The following FBXL17 variants were observed in gnomAD, a reference collection of about 807,000 sequenced individuals.
The protein encoded by FBXL17 is F-box/LRR-repeat protein 17.
A neutral mutation model predicts 66.2 loss-of-function variants in FBXL17; 22 were observed. That is an observed-to-expected ratio of 0.33 (90% CI 0.24 to 0.47). The LOEUF is 0.47. Ranked by LOEUF, FBXL17 falls within the 20% of genes least tolerant of loss-of-function variation. The pLI, the probability that FBXL17 is intolerant of heterozygous loss-of-function variation, is 1.00. For missense variants in FBXL17, 878 were observed against 948.2 expected (o/e 0.93, Z 0.97); for synonymous variants, 474 against 400.5 (o/e 1.18, Z -2.19).
intron 8 of FBXL17, among the ~76,000 whole-genome samples, chr5:107,871,018 G>A (rs1045119119): frequency 6.3e-5 from 8 of 126,278 alleles, no homozygotes; most frequent in African/African-American, 2.3e-4. Context: ...TTAAGGATGC[G>A]TTTTTCATAC....
chr5:108,271,882 T>A (rs1031492699), intron 4 of FBXL17, among the ~76,000 whole-genome samples: 2 of 152,164 alleles, frequency 1.3e-5, no homozygotes, highest in African/African-American at 4.8e-5. Context: ...TGTGCTTCAG[T>A]TTCTTCATCT....
At chr5:108,159,821 C>T (rs939954000) in intron 6 of FBXL17, among the ~76,000 whole-genome samples, 1 of 151,920 alleles carries the variant, frequency 6.6e-6, no homozygotes, top group Non-Finnish European at 1.5e-5. Flanking sequence ...GTACTAAATC[C>T]ACGATGTCTT....
At chr5:107,949,654 T>C (rs1319566682) in intron 7 of FBXL17, among the ~76,000 whole-genome samples, 3 of 152,308 alleles carry the variant, frequency 2.0e-5, no homozygotes, top group South Asian at 2.1e-4. Flanking sequence ...TTTAGAACCA[T>C]GTGAAAAGAA....
At chr5:108,297,678 A>C (rs911826252) in intron 4 of FBXL17, 35 of 252,016 alleles carry the variant, frequency 1.4e-4, no homozygotes, top group African/African-American at 7.6e-4. Flanking sequence ...ATGTTTCTGA[A>C]ACATTGCTTT....
Position 108,238,356 on chromosome 5 carries a change from A to G in FBXL17, c.1507-14128T>C, listed in dbSNP as rs138713704. Among the ~76,000 whole-genome samples the G allele has an allele frequency of 4.6e-3, 706 of 152,340 alleles. 7 individuals carry two copies. The highest frequency in any genetic ancestry group is 0.016 in the African/African-American group (666 of 41,574). On this transcript the variant is annotated intron_variant, in intron 4 of 8. Transcript: ENST00000542267. Reference sequence around the variant, plus strand: ...TTTACTGAGTTCGTGTTATGCGCTAAGTACCTTGCTATATACAATGATTAA... The same window carrying G: ...TTTACTGAGTTCGTGTTATGCGCTAGGTACCTTGCTATATACAATGATTAA...
At chr5:107,900,188 A>G (rs1171707146) in intron 7 of FBXL17, among the ~76,000 whole-genome samples, 1 of 152,204 alleles carries the variant, frequency 6.6e-6, no homozygotes, top group Non-Finnish European at 1.5e-5. Context: ...TTTATTAACA[A>G]GACTTGATTC....
intron 6 of FBXL17, among the ~76,000 whole-genome samples, chr5:108,158,207 GATCA>G (rs1752068446): frequency 4.6e-5 from 7 of 152,136 alleles, no homozygotes; most frequent in Admixed American, 4.6e-4. Context: ...TCAGAAAGAT[GATCA>G]ATTATAAAAT....
chr5:107,867,784 G>A (rs1411379321), intron 8 of FBXL17, among the ~76,000 whole-genome samples: 1 of 152,162 alleles, frequency 6.6e-6, no homozygotes, highest in Non-Finnish European at 1.5e-5. Flanking sequence ...TGCTGTCATG[G>A]TAGTGTTTAG....
intron 6 of FBXL17, among the ~76,000 whole-genome samples, chr5:108,091,101 G>A (rs1019364558): frequency 6.6e-6 from 1 of 152,170 alleles, no homozygotes; most frequent in Non-Finnish European, 1.5e-5. Flanking sequence ...AGAGCAAGCT[G>A]TTAAAACGAA....
chr5:107,986,272 C>T (rs982969741), intron 7 of FBXL17, among the ~76,000 whole-genome samples: 12 of 151,824 alleles, frequency 7.9e-5, no homozygotes, highest in African/African-American at 2.7e-4. Flanking sequence ...ATAAGAAAAC[C>T]TGAAATAAAC....
At position 108,055,305 on chromosome 5, in the gene FBXL17, A is replaced by AC. The variant is rs1561388256; in HGVS notation, c.1746-34305_1746-34304insG. ...GAAAAAAAAAAAAAAAAAAAAAAAAAAAAAAAAAGAAAAACGCTTCAGGCC... is the reference window on the plus strand; with the variant it reads ...GAAAAAAAAAAAAAAAAAAAAAAAAACAAAAAAAAGAAAAACGCTTCAGGCC... On this transcript the variant is annotated intron_variant, in intron 6 of 8. Transcript: ENST00000542267. Among the ~76,000 whole-genome samples the AC allele has an allele frequency of 9.2e-3, 282 of 30,584 alleles. 6 individuals carry two copies. Among genetic ancestry groups the AC allele is most frequent in the African/African-American group, 0.045 (266 of 5,870 alleles). 20.1% of individuals were successfully genotyped at this position (30,584 alleles called of 152,430 possible). A position where few individuals can be genotyped will look rare whatever the true frequency, so the allele number is the denominator to read the frequency against.
chr5:108,253,370 T>C (rs1414340707), intron 4 of FBXL17, among the ~76,000 whole-genome samples: 1 of 152,200 alleles, frequency 6.6e-6, no homozygotes, highest in African/African-American at 2.4e-5. Flanking sequence ...GCTAAATGTA[T>C]TATTTTTAAA....
intron 6 of FBXL17, among the ~76,000 whole-genome samples, chr5:108,108,780 G>GTTTTT (rs201883285): frequency 2.5e-5 from 3 of 122,132 alleles, no homozygotes; most frequent in African/African-American, 3.0e-5. Flanking sequence ...CTCACACTTT[G>GTTTTT]TTTTTGTTTT....
chr5:108,312,978 T>A (rs922294920), intron 4 of FBXL17, among the ~76,000 whole-genome samples: 3 of 152,068 alleles, frequency 2.0e-5, no homozygotes, highest in Non-Finnish European at 4.4e-5. Flanking sequence ...CAACTGATAA[T>A]TACCATCATG....
intron 1 of FBXL17, among the ~76,000 whole-genome samples, chr5:108,368,570 CA>C (rs1748824863): frequency 6.6e-6 from 1 of 151,464 alleles, no homozygotes; most frequent in Non-Finnish European, 1.5e-5. Flanking sequence ...TGAAAAACAA[CA>C]AAAAAAGAAA....
chr5:108,172,050 T>C (rs2150017414), intron 6 of FBXL17, among the ~76,000 whole-genome samples: 1 of 152,324 alleles, frequency 6.6e-6, no homozygotes, highest in Non-Finnish European at 1.5e-5. Flanking sequence ...CAATTAAGCC[T>C]CTTTCTTTTG....
chr5:107,946,252 A>ATTTTTT (rs201604465), intron 7 of FBXL17, among the ~76,000 whole-genome samples: 4 of 56,904 alleles, frequency 7.0e-5, no homozygotes, highest in Admixed American at 7.0e-4. Flanking sequence ...TATCAATCTC[A>ATTTTTT]TTTTATATAT....
At chr5:108,034,779 C>A (rs1165602730) in intron 6 of FBXL17, among the ~76,000 whole-genome samples, 1 of 152,066 alleles carries the variant, frequency 6.6e-6, no homozygotes, top group African/African-American at 2.4e-5. Context: ...AAGTTAAAAA[C>A]TGTATCAAAG....
intron 4 of FBXL17, among the ~76,000 whole-genome samples, chr5:108,251,637 G>A (rs1756357411): frequency 6.6e-6 from 1 of 152,018 alleles, no homozygotes; most frequent in Non-Finnish European, 1.5e-5. Flanking sequence ...GAAGAATGTA[G>A]ACTGCAAACA....
Sources: gnomAD v4.1 joint callset for allele counts (sites outside exome capture counted in the v4.1 genomes callset) on GRCh38, gnomAD v4.1.1 for gene constraint, MANE v1.5 for transcripts, NCBI Gene and HGNC (gene_info 2026-07-23, HGNC 2026-07-21) for gene names.